The following KIFAP3 variants were observed in gnomAD, a reference collection of about 807,000 sequenced individuals.
The protein encoded by KIFAP3 is kinesin-associated protein 3.
In KIFAP3, 68 loss-of-function variants were observed where a neutral mutation model predicts 106.5. That is an observed-to-expected ratio of 0.64 (90% CI 0.53 to 0.78). The LOEUF is 0.78. Among genes scored for constraint, KIFAP3 ranks in the 30% least tolerant of loss-of-function variants. The pLI is 0.00. For synonymous variants in KIFAP3, 320 were observed against 311.5 expected, an observed-to-expected ratio of 1.03 and a Z score of -0.29; for missense variants, 780 against 941.8, an observed-to-expected ratio of 0.83 and a Z score of 2.25.
intron 1 of KIFAP3, among the ~76,000 whole-genome samples, chr1:170,059,429 G>A (rs976960482): frequency 6.6e-6 from 1 of 152,028 alleles, no homozygotes; most frequent in East Asian, 1.9e-4. Context: ...ATAAATTCCT[G>A]GACACACATA....
intron 17 of KIFAP3, among the ~76,000 whole-genome samples, chr1:169,972,279 G>A (rs1665963911): frequency 6.6e-6 from 1 of 151,862 alleles, no homozygotes; most frequent in Admixed American, 6.6e-5. Flanking sequence ...ATGACATGTA[G>A]ATCAGAACTC....
chr1:170,049,817 C>A (rs1670480192), intron 2 of KIFAP3, among the ~76,000 whole-genome samples: 1 of 151,504 alleles, frequency 6.6e-6, no homozygotes, highest in South Asian at 2.1e-4. Flanking sequence ...ACCACCCCCC[C>A]CCAAAAAAAA....
intron 19 of KIFAP3, among the ~76,000 whole-genome samples, chr1:169,925,222 TC>T (rs1183739143): frequency 6.6e-6 from 1 of 152,138 alleles, no homozygotes; most frequent in African/African-American, 2.4e-5. Context: ...TTCACCTTTT[TC>T]CTTCGTATTC....
At chr1:170,040,269 C>T (rs758119683) in intron 3 of KIFAP3, among the ~76,000 whole-genome samples, 4 of 151,940 alleles carry the variant, frequency 2.6e-5, no homozygotes, top group Non-Finnish European at 4.4e-5. Context: ...TTTGGAATAC[C>T]GCTTACCAAG....
intron 3 of KIFAP3, among the ~76,000 whole-genome samples, chr1:170,042,569 T>C (rs1356291991): frequency 6.6e-6 from 1 of 152,216 alleles, no homozygotes; most frequent in African/African-American, 2.4e-5. Context: ...TTTCCAGAAA[T>C]AATCTTTTCT....
At chr1:169,993,343 C>A (rs889680916) in intron 10 of KIFAP3, among the ~76,000 whole-genome samples, 4 of 151,312 alleles carry the variant, frequency 2.6e-5, no homozygotes, top group African/African-American at 9.7e-5. Context: ...AACTCTTGAC[C>A]TCATGATCTG....
chr1:169,940,183 A>T (rs910554404), intron 19 of KIFAP3, among the ~76,000 whole-genome samples: 2 of 152,194 alleles, frequency 1.3e-5, no homozygotes, highest in Non-Finnish European at 2.9e-5. Flanking sequence ...TAGTTTATTG[A>T]TTGAGTGGTG....
At chr1:169,996,202 G>A (rs1667367111) in intron 10 of KIFAP3, among the ~76,000 whole-genome samples, 1 of 152,010 alleles carries the variant, frequency 6.6e-6, no homozygotes, top group Non-Finnish European at 1.5e-5. Flanking sequence ...AAAGGTGAAA[G>A]TTCCTTGCAG....
intron 19 of KIFAP3, among the ~76,000 whole-genome samples, chr1:169,925,792 G>C (rs188138445): frequency 6.6e-6 from 1 of 152,184 alleles, no homozygotes; most frequent in African/African-American, 2.4e-5. Context: ...CCTACCTCTG[G>C]CTGTTTGTGA....
intron 19 of KIFAP3, among the ~76,000 whole-genome samples, chr1:169,942,919 C>CCCT (rs397729541): frequency 2.9e-4 from 32 of 110,660 alleles, no homozygotes; most frequent in African/African-American, 1.0e-3. Context: ...CGCCCCCCCC[C>CCCT]ACCCCTTTAA....
intron 3 of KIFAP3, chr1:170,041,802 C>A: frequency 1.3e-6 from 2 of 1,513,336 alleles, no homozygotes; most frequent in South Asian, 2.5e-5. Context: ...CCTTAAAGGT[C>A]GTGTTCCCTC....
intron 10 of KIFAP3, among the ~76,000 whole-genome samples, chr1:170,005,071 A>G (rs1667876122): frequency 6.6e-6 from 1 of 152,142 alleles, no homozygotes; most frequent in Non-Finnish European, 1.5e-5. Context: ...ACTTCTCAAA[A>G]GAAGACATTT....
In KIFAP3 at chr1:170,051,912, C is replaced by A. The variant is rs146117081; in HGVS notation, c.164+3393G>T. 7.2e-3 allele frequency among the ~76,000 whole-genome samples: 1,098 copies of A among 152,076 alleles called. 18 individuals carry two copies. The highest frequency in any genetic ancestry group is 0.024 in the African/African-American group (1,001 of 41,498). ...AAGGTGGAAAGATCTGAAACTGACA[C>A]CCTAACATCAAAATTAAAAGAACTA... is the stretch of plus-strand genomic sequence containing the variant. On this transcript the variant is annotated intron_variant, in intron 2 of 19. Coordinates refer to ENST00000361580, the MANE Select transcript of KIFAP3 (RefSeq NM_014970.4).
At chr1:169,930,635 T>C (rs1299453483) in intron 19 of KIFAP3, among the ~76,000 whole-genome samples, 1 of 152,228 alleles carries the variant, frequency 6.6e-6, no homozygotes, top group Non-Finnish European at 1.5e-5. Flanking sequence ...TAACATCATT[T>C]AGTCCTCTTT....
intron 19 of KIFAP3, among the ~76,000 whole-genome samples, chr1:169,925,101 T>C (rs945682251): frequency 1.3e-5 from 2 of 152,308 alleles, no homozygotes; most frequent in East Asian, 1.9e-4. Flanking sequence ...TGTATGTACA[T>C]AGTTTCTTCT....
intron 2 of KIFAP3, among the ~76,000 whole-genome samples, chr1:170,048,490 T>C (rs1366703870): frequency 6.6e-6 from 1 of 152,044 alleles, no homozygotes; most frequent in Non-Finnish European, 1.5e-5. Context: ...TGCAGCTTTT[T>C]GTGTGAACAT....
intron 1 of KIFAP3, among the ~76,000 whole-genome samples, chr1:170,083,574 A>T (rs12145349): frequency 0.077 from 11,778 of 152,288 alleles, 472 homozygotes; most frequent in Non-Finnish European, 0.094. Flanking sequence ...GTTATTGTAA[A>T]GTTAAATGAG....
At chr1:170,012,928 T>C (rs1480294600) in intron 10 of KIFAP3, among the ~76,000 whole-genome samples, 1 of 152,022 alleles carries the variant, frequency 6.6e-6, no homozygotes, top group Non-Finnish European at 1.5e-5. Context: ...ATGCGGAAAA[T>C]GCCCCTATGA....
At chr1:169,926,666 T>C (rs1433619982) in intron 19 of KIFAP3, among the ~76,000 whole-genome samples, 3 of 95,652 alleles carry the variant, frequency 3.1e-5, no homozygotes, top group African/African-American at 8.2e-5. Flanking sequence ...TCTGTATATA[T>C]GTACAGTTGT....
Sources: gnomAD v4.1 joint callset for allele counts (sites outside exome capture counted in the v4.1 genomes callset) on GRCh38, gnomAD v4.1.1 for gene constraint, MANE v1.5 for transcripts, NCBI Gene and HGNC (gene_info 2026-07-23, HGNC 2026-07-21) for gene names.